Variants in PCDH15 observed in about 807,000 individuals in gnomAD.
PCDH15 encodes the protein protocadherin-15.
PCDH15 carries 129 observed loss-of-function variants against 178.5 expected under a neutral mutation model. That is an observed-to-expected ratio of 0.72 (90% CI 0.63 to 0.84). The LOEUF (loss-of-function observed/expected upper bound fraction) is 0.84. Among genes scored for constraint, PCDH15 ranks in the 40% least tolerant of loss-of-function variants. PCDH15 has a pLI of 0.00. For synonymous variants in PCDH15, 800 were observed against 732.0 expected (o/e 1.09, Z -1.50); for missense variants, 2,230 against 2,099.9 (o/e 1.06, Z -1.21).
intron 2 of PCDH15, among the ~76,000 whole-genome samples, chr10:55,595,603 T>C (rs1423108429): frequency 6.6e-6 from 1 of 152,070 alleles, no homozygotes; most frequent in Non-Finnish European, 1.5e-5. Flanking sequence ...AATGCAACTT[T>C]TATTTAAGTT....
At chr10:54,409,617 A>G (rs942007540) in intron 3 of PCDH15, among the ~76,000 whole-genome samples, 9 of 152,092 alleles carry the variant, frequency 5.9e-5, no homozygotes, top group South Asian at 2.1e-4. Flanking sequence ...CAGTATATTC[A>G]GCTGTTTTCT....
chr10:54,100,552 CATG>C (rs1452195331), intron 15 of PCDH15, among the ~76,000 whole-genome samples: 3 of 152,024 alleles, frequency 2.0e-5, no homozygotes, highest in Admixed American at 6.6e-5. Context: ...ACAAGGCTGT[CATG>C]ATGATAGAAT....
chr10:54,354,806 C>T (rs72801254), intron 5 of PCDH15, among the ~76,000 whole-genome samples: 18,447 of 151,988 alleles, frequency 0.12, 1,192 homozygotes, highest in Middle Eastern at 0.2. Context: ...ACTGTCTGTG[C>T]TTTTAGATTT....
intron 2 of PCDH15, among the ~76,000 whole-genome samples, chr10:55,440,971 C>T (rs776916282): frequency 6.6e-6 from 1 of 152,076 alleles, no homozygotes; most frequent in African/African-American, 2.4e-5. Flanking sequence ...AGGGCAACTG[C>T]CCCCCATGAT....
intron 10 of PCDH15, among the ~76,000 whole-genome samples, chr10:54,199,979 T>G (rs538240453): frequency 6.6e-6 from 1 of 152,186 alleles, no homozygotes; most frequent in East Asian, 1.9e-4. Context: ...GGCAAAACAT[T>G]GAAAAAGACA....
At chr10:54,107,008 C>T (rs775477750) in intron 15 of PCDH15, among the ~76,000 whole-genome samples, 2 of 152,104 alleles carry the variant, frequency 1.3e-5, no homozygotes, top group Non-Finnish European at 2.9e-5. Flanking sequence ...GGATACCTTG[C>T]CTATCTTCCT....
chr10:54,433,846 A>AATTTAAAAAT (rs1253075233), intron 3 of PCDH15, among the ~76,000 whole-genome samples: 4 of 152,110 alleles, frequency 2.6e-5, no homozygotes, highest in African/African-American at 9.7e-5. Context: ...AAAATATTAA[A>AATTTAAAAAT]ATTTAAAAAT....
At chr10:54,286,812 G>A (rs1409127716) in intron 8 of PCDH15, among the ~76,000 whole-genome samples, 1 of 152,086 alleles carries the variant, frequency 6.6e-6, no homozygotes, top group African/African-American at 2.4e-5. Flanking sequence ...TTTTTTAGTA[G>A]AGACGGGGTT....
intron 25 of PCDH15, among the ~76,000 whole-genome samples, chr10:53,918,381 G>T (rs1471822296): frequency 6.6e-6 from 1 of 152,070 alleles, no homozygotes; most frequent in Non-Finnish European, 1.5e-5. Flanking sequence ...TCATGCCCAG[G>T]TTTCTCTCCC....
At chr10:54,789,266 T>C (rs1951174317) in intron 1 of PCDH15, among the ~76,000 whole-genome samples, 1 of 151,904 alleles carries the variant, frequency 6.6e-6, no homozygotes, top group Non-Finnish European at 1.5e-5. Context: ...AAAATCTTGT[T>C]TCTATTTTGT....
chr10:55,350,256 TATATATATATATACAC>T (rs1415264945), intron 2 of PCDH15, among the ~76,000 whole-genome samples: 22 of 67,398 alleles, frequency 3.3e-4, no homozygotes, highest in South Asian at 1.5e-3. Flanking sequence ...TATATATATA[TATATATATATATACAC>T]ACACACACAC....
rs151055582 is a variant in PCDH15 at position 54,736,584 on chromosome 10, G to A, written c.-29+64341C>T. On this transcript the variant is annotated intron_variant, in intron 1 of 37. Coordinates refer to ENST00000644397, the MANE Select transcript of PCDH15 (RefSeq NM_001384140.1). ...TCTAACAAAAACTCTTCTTCATCTC[G>A]GCAAAAGGAGAACTCTTTCCTCTGC... is the stretch of plus-strand genomic sequence containing the variant. 2.7e-4 allele frequency among the ~76,000 whole-genome samples: 41 copies of A among 151,986 alleles called. No homozygotes were observed. The East Asian group carries it at 7.0e-3, about 26-fold the overall frequency.
intron 1 of PCDH15, among the ~76,000 whole-genome samples, chr10:55,223,994 G>A (rs1840957249): frequency 2.0e-5 from 3 of 152,080 alleles, no homozygotes; most frequent in Admixed American, 2.0e-4. Flanking sequence ...GCTCACGCCT[G>A]TAATCGCAGC....
chr10:54,119,390 G>T (rs1014342063), intron 15 of PCDH15, among the ~76,000 whole-genome samples: 14 of 152,136 alleles, frequency 9.2e-5, no homozygotes, highest in Admixed American at 8.5e-4. Flanking sequence ...TCAGATAAAA[G>T]AATTTAAGAG....
chr10:53,977,976 T>C (rs1255783125), intron 21 of PCDH15, among the ~76,000 whole-genome samples: 1 of 152,210 alleles, frequency 6.6e-6, no homozygotes, highest in Admixed American at 6.5e-5. Context: ...TGGACAGCAC[T>C]ACCCTTATGG....
chr10:55,377,163 A>AG (rs67985351), intron 2 of PCDH15, among the ~76,000 whole-genome samples: 1 of 150,486 alleles, frequency 6.6e-6, no homozygotes, highest in East Asian at 1.9e-4. Flanking sequence ...AAAAAAAAAA[A>AG]GAAAAGAAAA....
intron 1 of PCDH15, among the ~76,000 whole-genome samples, chr10:55,194,353 C>A (rs1840025121): frequency 6.6e-6 from 1 of 151,964 alleles, no homozygotes; most frequent in Non-Finnish European, 1.5e-5. Context: ...TTATTGTATA[C>A]CAAGCTGTTT....
chr10:54,921,541 T>G (rs1349471397), intron 2 of PCDH15, among the ~76,000 whole-genome samples: 1 of 152,106 alleles, frequency 6.6e-6, no homozygotes, highest in Non-Finnish European at 1.5e-5. Context: ...TGTCCATGTG[T>G]TCTCAACATT....
At chr10:55,604,976 C>T (rs1843179939) in intron 2 of PCDH15, among the ~76,000 whole-genome samples, 2 of 151,866 alleles carry the variant, frequency 1.3e-5, no homozygotes, top group Non-Finnish European at 2.9e-5. Context: ...TCGAAAGGAT[C>T]AACAAAATAG....
Sources: gnomAD v4.1 joint callset for allele counts (sites outside exome capture counted in the v4.1 genomes callset) on GRCh38, gnomAD v4.1.1 for gene constraint, MANE v1.5 for transcripts, NCBI Gene and HGNC (gene_info 2026-07-23, HGNC 2026-07-21) for gene names.